Variants in RBFOX1 observed in about 807,000 individuals in gnomAD.
The protein encoded by RBFOX1 is RNA binding fox-1 homolog 1, also known as RNA binding protein fox-1 homolog 1.
Under a neutral mutation model 57.7 loss-of-function variants are expected in RBFOX1, and 8 were observed. The ratio of observed to expected loss-of-function variants is 0.14; its 90% confidence interval spans 0.08 to 0.25. The LOEUF is 0.25. RBFOX1 is among the 10% of genes least tolerant of loss of function. The pLI is 1.00. For missense variants in RBFOX1, 611 were observed against 548.5 expected (o/e 1.11, Z -1.14); for synonymous variants, 326 against 222.4 (o/e 1.47, Z -4.15).
intron 3 of RBFOX1, among the ~76,000 whole-genome samples, chr16:5,661,061 T>C (rs1296118529): frequency 6.6e-6 from 1 of 152,180 alleles, no homozygotes; most frequent in Non-Finnish European, 1.5e-5. Context: ...ATTCTGCACC[T>C]GCTCACTTCA....
chr16:7,549,270 G>T (rs565330133), intron 5 of RBFOX1, among the ~76,000 whole-genome samples: 2 of 152,304 alleles, frequency 1.3e-5, no homozygotes, highest in South Asian at 4.1e-4. Flanking sequence ...TATGGCTGCT[G>T]AATGCTGTAG....
chr16:6,921,643 A>ATT (rs1485522876), intron 3 of RBFOX1, among the ~76,000 whole-genome samples: 673 of 34,500 alleles, frequency 0.02, 4 homozygotes, highest in African/African-American at 0.055. Flanking sequence ...ATATATATAT[A>ATT]TATTTTTTTT....
At position 6,430,135 on chromosome 16, in the gene RBFOX1, CAAACAGAAAAAG is replaced by C. The variant is rs376080425; in HGVS notation, c.-64+113079_-64+113090del. Among the ~76,000 whole-genome samples the C allele has an allele frequency of 4.9e-3, 724 of 148,016 alleles. 7 individuals are homozygous for C. The highest frequency in any genetic ancestry group is 0.016 in the African/African-American group (633 of 38,538). On this transcript the variant is annotated intron_variant, in intron 2 of 15. Coordinates refer to ENST00000550418, the MANE Select transcript of RBFOX1 (RefSeq NM_018723.4). ...AGAAGAAAAAAAAAAAACAGAAAAA[CAAACAGAAAAAG>C]TCTTTCCTTTATAATAATTACCCAG...
At chr16:7,056,260 C>T (rs886201255) in intron 4 of RBFOX1, among the ~76,000 whole-genome samples, 2 of 152,164 alleles carry the variant, frequency 1.3e-5, no homozygotes, top group Admixed American at 6.5e-5. Flanking sequence ...TTACTTACAT[C>T]GCTCGGTTGT....
chr16:7,134,546 A>T (rs867661581), intron 4 of RBFOX1, among the ~76,000 whole-genome samples: 2 of 152,180 alleles, frequency 1.3e-5, no homozygotes, highest in Admixed American at 6.5e-5. Context: ...TTTCATTCAC[A>T]GTTTCCAAAT....
chr16:6,521,168 G>A (rs953144789), intron 2 of RBFOX1, among the ~76,000 whole-genome samples: 8 of 151,996 alleles, frequency 5.3e-5, no homozygotes, highest in African/African-American at 1.9e-4. Context: ...AATGGGAGAA[G>A]AAAAATACCT....
At chr16:7,676,086 A>G (rs1284090082) in intron 13 of RBFOX1, among the ~76,000 whole-genome samples, 1 of 152,194 alleles carries the variant, frequency 6.6e-6, no homozygotes, top group African/African-American at 2.4e-5. Flanking sequence ...TCTGTTAATG[A>G]TTTTATTTAC....
chr16:6,342,420 A>C (rs1020131209), intron 2 of RBFOX1, among the ~76,000 whole-genome samples: 1 of 152,204 alleles, frequency 6.6e-6, no homozygotes, highest in Admixed American at 6.5e-5. Context: ...CATTGAATGA[A>C]TACAAAACGT....
At chr16:5,634,123 C>T (rs557549549) in intron 3 of RBFOX1, among the ~76,000 whole-genome samples, 1 of 152,192 alleles carries the variant, frequency 6.6e-6, no homozygotes, top group African/African-American at 2.4e-5. Context: ...CTTTTATAGC[C>T]ACTGGCCTCA....
intron 2 of RBFOX1, among the ~76,000 whole-genome samples, chr16:6,473,140 T>TA (rs1165647356): frequency 6.6e-6 from 1 of 152,160 alleles, no homozygotes; most frequent in Non-Finnish European, 1.5e-5. Flanking sequence ...AAATAAAATT[T>TA]ACCTCCTGAC....
chr16:5,995,040 A>G (rs759485169), intron 4 of RBFOX1, among the ~76,000 whole-genome samples: 25 of 152,200 alleles, frequency 1.6e-4, no homozygotes, highest in Non-Finnish European at 3.1e-4. Context: ...CTTTCCTACA[A>G]CCATGCATTG....
intron 1 of RBFOX1, among the ~76,000 whole-genome samples, chr16:5,242,924 C>G (rs530853635): frequency 9.9e-5 from 15 of 150,754 alleles, no homozygotes; most frequent in African/African-American, 2.9e-4. Context: ...TAAATCGGGC[C>G]CCCAGGAGCC....
Position 6,706,073 on chromosome 16 carries a change from C to G in RBFOX1, c.-16+51423C>G, listed in dbSNP as rs150348711. On this transcript the variant is annotated intron_variant, in intron 3 of 15. Coordinates refer to ENST00000550418, the MANE Select transcript of RBFOX1 (RefSeq NM_018723.4). ...TTAGATGGACAGAATTGTGGACCAC[C>G]TTTCACGCCTATTAAAACCCGGATG... 5.9e-5 allele frequency among the ~76,000 whole-genome samples: 9 copies of G among 152,274 alleles called. No homozygotes were observed. In the East Asian group the frequency reaches 1.7e-3, roughly 29 times the overall value.
At chr16:6,129,454 C>A (rs12929124) in intron 1 of RBFOX1, among the ~76,000 whole-genome samples, 9 of 151,840 alleles carry the variant, frequency 5.9e-5, no homozygotes, top group Admixed American at 2.6e-4. Flanking sequence ...GAAGACAGAA[C>A]AGAAAATTAT....
chr16:6,890,026 G>C (rs1187862064), intron 3 of RBFOX1, among the ~76,000 whole-genome samples: 2 of 152,200 alleles, frequency 1.3e-5, no homozygotes, highest in South Asian at 2.1e-4. Flanking sequence ...GTTAATAATA[G>C]TAGTGTCCCA....
At chr16:5,552,199 C>A (rs1054826136) in intron 2 of RBFOX1, among the ~76,000 whole-genome samples, 4 of 152,204 alleles carry the variant, frequency 2.6e-5, no homozygotes, top group Non-Finnish European at 5.9e-5. Flanking sequence ...CTGAGATAAC[C>A]TTGCTTGGTG....
At chr16:7,309,928 T>C (rs1019874117) in intron 4 of RBFOX1, among the ~76,000 whole-genome samples, 2 of 152,204 alleles carry the variant, frequency 1.3e-5, no homozygotes, top group African/African-American at 4.8e-5. Flanking sequence ...ATGTTCTGTT[T>C]AATTCAGTTA....
chr16:7,591,858 A>T (rs1567989751), intron 7 of RBFOX1, among the ~76,000 whole-genome samples: 1 of 152,212 alleles, frequency 6.6e-6, no homozygotes, highest in Non-Finnish European at 1.5e-5. Context: ...TCCCTGAGTT[A>T]GAATTCCGAC....
intron 3 of RBFOX1, among the ~76,000 whole-genome samples, chr16:7,006,897 A>G (rs1264959536): frequency 1.3e-5 from 2 of 152,134 alleles, no homozygotes; most frequent in African/African-American, 4.8e-5. Flanking sequence ...TGCCTTTAAC[A>G]TCACCTCCCC....
Sources: gnomAD v4.1 joint callset for allele counts (sites outside exome capture counted in the v4.1 genomes callset) on GRCh38, gnomAD v4.1.1 for gene constraint, MANE v1.5 for transcripts, NCBI Gene and HGNC (gene_info 2026-07-23, HGNC 2026-07-21) for gene names.